Variants in HRH2 observed in about 807,000 individuals in gnomAD.
HRH2 encodes the protein histamine receptor H2.
In HRH2, 4 loss-of-function variants were observed where a neutral mutation model predicts 20.1. That is an observed-to-expected ratio of 0.20 (90% confidence interval 0.10 to 0.45). HRH2 has a LOEUF of 0.45. Ranked by LOEUF, HRH2 falls within the 20% of genes least tolerant of loss-of-function variation. The pLI, the probability that HRH2 is intolerant of heterozygous loss-of-function variation, is 0.99. For missense variants in HRH2, 250 were observed against 461.6 expected (o/e 0.54, Z 4.20); for synonymous variants, 197 against 200.7 (o/e 0.98, Z 0.16).
rs1031719555 is a variant in HRH2 at position 175,687,476 on chromosome 5, G to C, written c.1076+3167G>C. Among the ~76,000 whole-genome samples, 1 of 152,160 alleles carries C rather than the reference G, an allele frequency of 6.6e-6. No homozygotes were observed. Among genetic ancestry groups the C allele is most frequent in the African/African-American group, 2.4e-5 (1 of 41,446 alleles). ...GGCCAAGGGGTGACTCCAGAAGATA[G>C]AGTGGCCAAGCTGGCTGGTCCTCCC... On this transcript the variant is annotated intron_variant, in intron 2 of 2. Coordinates refer to ENST00000636584, the MANE Select transcript of HRH2 (RefSeq NM_001367711.1). This position sits in a 1 kb window ranked among gnomAD's most constrained non-coding sequence, Gnocchi z 5.2.
intron 1 of HRH2, among the ~76,000 whole-genome samples, chr5:175,670,691 C>T (rs1202047100): frequency 6.6e-6 from 1 of 152,212 alleles, no homozygotes; most frequent in Non-Finnish European, 1.5e-5. Flanking sequence ...AACCACCTGC[C>T]TGGGGCAGAA....
At chr5:175,668,745 G>A (rs944814923) in intron 1 of HRH2, among the ~76,000 whole-genome samples, 15 of 152,206 alleles carry the variant, frequency 9.9e-5, no homozygotes, top group African/African-American at 2.9e-4. Context: ...GAACAATCGC[G>A]TGCTCCCAGA....
rs148104713 is a variant in HRH2 at position 175,705,575 on chromosome 5, C to A, written c.1077-2204C>A. Among the ~76,000 whole-genome samples the A allele has an allele frequency of 4.7e-3, 717 of 152,226 alleles. 5 individuals are homozygous for A. Among genetic ancestry groups the A allele is most frequent in the African/African-American group, 0.016 (682 of 41,506 alleles). Reference sequence around the variant, plus strand: ...AGATGTAAATAGTTATCAACTTATGCCCAATCTTTTGTTTGTTTGTGTGTT... The same window carrying A: ...AGATGTAAATAGTTATCAACTTATGACCAATCTTTTGTTTGTTTGTGTGTT... On this transcript the variant is annotated intron_variant, in intron 2 of 2. Coordinates refer to ENST00000636584, the MANE Select transcript of HRH2 (RefSeq NM_001367711.1).
intron 1 of HRH2, among the ~76,000 whole-genome samples, chr5:175,667,017 C>CATATATATATATATATATATATATAT (rs143167989): frequency 1.2e-4 from 18 of 150,386 alleles, no homozygotes; most frequent in African/African-American, 4.4e-4. Context: ...CAAATAAAGG[C>CATATATATATATATATATATATATAT]ATATATATAT....
At position 175,682,980 on chromosome 5, in the gene HRH2, T is replaced by C. The variant is rs1047909634; in HGVS notation, c.-254T>C. ...ATGAACCTGGCTTCGAGGCCTTGCT[T>C]TTCTCTCTTCTTCATTCATATTCAT... On this transcript the variant is annotated 5_prime_UTR_variant, in exon 2 of 3. Coordinates refer to ENST00000636584, the MANE Select transcript of HRH2 (RefSeq NM_001367711.1). 1.6e-5 allele frequency: 7 copies of C among 441,942 alleles called. No homozygotes were observed. In the South Asian group the frequency reaches 2.2e-4, roughly 14 times the overall value. The allele number at this position is 441,942 out of a possible 1,614,324, so 27.4% of individuals were successfully genotyped here. A position where few individuals can be genotyped will look rare whatever the true frequency, so the allele number is the denominator to read the frequency against.
chr5:175,708,087 G>A lies in HRH2; in HGVS notation c.*116G>A, dbSNP rs1350862335. On this transcript the variant is annotated 3_prime_UTR_variant, in exon 3 of 3. Coordinates refer to ENST00000636584, the MANE Select transcript of HRH2 (RefSeq NM_001367711.1). ...GACTCACCCTGGACTGAATCTGGGG[G>A]CTCCCAGAACACACAGCTGGGTGTG... 6 of 397,822 alleles carry A rather than the reference G, an allele frequency of 1.5e-5. No individual in the cohort carries two copies. The highest frequency in any genetic ancestry group is 2.7e-5 in the Non-Finnish European group (6 of 225,874). 24.6% of individuals were successfully genotyped at this position (397,822 alleles called of 1,614,324 possible).
intron 2 of HRH2, among the ~76,000 whole-genome samples, chr5:175,697,489 C>T (rs2113551620): frequency 6.7e-6 from 1 of 150,000 alleles, no homozygotes; most frequent in African/African-American, 2.5e-5. Context: ...AAGAGGATGC[C>T]CATGAAAATT....
chr5:175,669,006 G>A (rs1392068909), intron 1 of HRH2, among the ~76,000 whole-genome samples: 1 of 152,182 alleles, frequency 6.6e-6, no homozygotes, highest in Non-Finnish European at 1.5e-5. Context: ...TTTGTGAGAT[G>A]GGGTCTCCTC....
intron 2 of HRH2, chr5:175,685,457 A>G (rs1196341462): frequency 4.5e-6 from 7 of 1,551,556 alleles, no homozygotes; most frequent in African/African-American, 1.4e-5. Flanking sequence ...TGACCCATTC[A>G]TTCATTCATT....
chr5:175,671,329 A>G (rs1755532608), intron 1 of HRH2, among the ~76,000 whole-genome samples: 1 of 152,222 alleles, frequency 6.6e-6, no homozygotes, highest in Non-Finnish European at 1.5e-5. Context: ...TGCTGCTGAT[A>G]TCTTTAAGGT....
chr5:175,663,728 G>C (rs1762804742), intron 1 of HRH2, among the ~76,000 whole-genome samples: 1 of 152,176 alleles, frequency 6.6e-6, no homozygotes, highest in Non-Finnish European at 1.5e-5. Context: ...GGCCCTCCCT[G>C]TCCTCCCAGT....
intron 2 of HRH2, among the ~76,000 whole-genome samples, chr5:175,685,088 A>T (rs932523240): frequency 1.4e-4 from 21 of 152,192 alleles, no homozygotes; most frequent in African/African-American, 5.1e-4. Flanking sequence ...AGATCTTAAA[A>T]GCTTGCAGAC....
At chr5:175,669,894 C>T (rs1375003581) in intron 1 of HRH2, among the ~76,000 whole-genome samples, 1 of 152,228 alleles carries the variant, frequency 6.6e-6, no homozygotes. Flanking sequence ...CTAAAGGAAT[C>T]CTGCCTTTAC....
chr5:175,678,722 A>C (rs1038367240), intron 1 of HRH2, among the ~76,000 whole-genome samples: 1 of 152,218 alleles, frequency 6.6e-6, no homozygotes, highest in African/African-American at 2.4e-5. Flanking sequence ...TTGCCTGGAA[A>C]ATCAGATTTA....
At chr5:175,705,823 C>T (rs1561743548) in intron 2 of HRH2, among the ~76,000 whole-genome samples, 1 of 152,012 alleles carries the variant, frequency 6.6e-6, no homozygotes, top group Non-Finnish European at 1.5e-5. Flanking sequence ...CCACCAGGCC[C>T]GGCTAATTTT....
At chr5:175,696,224 C>T (rs947762940) in intron 2 of HRH2, among the ~76,000 whole-genome samples, 4 of 152,238 alleles carry the variant, frequency 2.6e-5, no homozygotes, top group East Asian at 1.9e-4. Context: ...GGAGAGGGTA[C>T]GTCAAGTCAG....
chr5:175,684,661 G>C (rs1004891002), intron 2 of HRH2, among the ~76,000 whole-genome samples: 3 of 152,170 alleles, frequency 2.0e-5, no homozygotes, highest in African/African-American at 7.2e-5. Context: ...CTGAGGAGTC[G>C]TAAGTGTTCA....
intron 2 of HRH2, among the ~76,000 whole-genome samples, chr5:175,695,243 A>C (rs1310180885): frequency 1.3e-5 from 2 of 152,126 alleles, no homozygotes; most frequent in Non-Finnish European, 2.9e-5. Context: ...TGGTAGAGTC[A>C]GACTTCAGGG....
Position 175,683,082 on chromosome 5 carries a change from C to A in HRH2, c.-152C>A, listed in dbSNP as rs1037491893. ...GAGTCAGTCATTGAAGCCTTCCCCA[C>A]CCCCTGGCCAAAAAAAAAAAAAAAA... On this transcript the variant is annotated 5_prime_UTR_variant, in exon 2 of 3. Transcript: ENST00000636584. 8.4e-6 allele frequency: 8 copies of A among 952,626 alleles called. No homozygotes were observed. The East Asian group carries it at 1.7e-4, about 20-fold the overall frequency. 59.0% of individuals were successfully genotyped at this position (952,626 alleles called of 1,614,324 possible). A position where few individuals can be genotyped will look rare whatever the true frequency, so the allele number is the denominator to read the frequency against.
Sources: allele counts gnomAD v4.1 joint callset (sites outside exome capture counted in the v4.1 genomes callset), GRCh38; gene constraint gnomAD v4.1.1; non-coding constraint Gnocchi (gnomAD v3.1); transcripts MANE v1.5; gene names NCBI Gene and HGNC (gene_info 2026-07-23, HGNC 2026-07-21).